The following SDK2 variants were observed in gnomAD, a reference collection of about 807,000 sequenced individuals.
SDK2 encodes the protein sidekick cell adhesion molecule 2.
A neutral mutation model predicts 253.9 loss-of-function variants in SDK2; 105 were observed. That is an observed-to-expected ratio of 0.41 (90% confidence interval 0.35 to 0.49). SDK2 has a LOEUF of 0.49. Ranked by LOEUF, SDK2 falls within the 20% of genes least tolerant of loss-of-function variation. The pLI is 0.06. For synonymous variants in SDK2, 1,249 were observed against 1,234.9 expected (o/e 1.01, Z -0.24); for missense variants, 2,608 against 3,003.0 (o/e 0.87, Z 3.07).
At chr17:73,369,269 A>G in intron 36 of SDK2, 3 of 409,576 alleles carry the variant, frequency 7.3e-6, no homozygotes, top group South Asian at 3.5e-5. Context: ...CTATCCAGAC[A>G]GAGTGTGGTG....
At position 73,393,708 on chromosome 17, in the gene SDK2, G is replaced by A; in HGVS notation, c.3750C>T (p.Phe1250=). ...KEKDSDTQPR[F]WLVEGNSSRS... ...GAGACGAGTTGCCTTCCACCAGCCA[G>A]AATCGGGGCTGGGTGTCCGAGTCCT... The change falls in exon 27 of 45, where the codon TTC becomes TTT. Residue 1250 remains phenylalanine (F), a synonymous_variant. Coordinates refer to ENST00000392650, the MANE Select transcript of SDK2 (RefSeq NM_001144952.2). 2 of 1,590,818 alleles carry A rather than the reference G, an allele frequency of 1.3e-6. No homozygotes were observed. Among genetic ancestry groups the A allele is most frequent in the Non-Finnish European group, 1.7e-6 (2 of 1,162,924 alleles).
chr17:73,500,231 C>T (rs573456264), intron 2 of SDK2, among the ~76,000 whole-genome samples: 1 of 147,936 alleles, frequency 6.8e-6, no homozygotes, highest in African/African-American at 2.5e-5. Flanking sequence ...ATCCTCCCTC[C>T]CTTCTCCACC....
At chr17:73,360,464 G>C (rs943771563) in intron 39 of SDK2, among the ~76,000 whole-genome samples, 5 of 152,194 alleles carry the variant, frequency 3.3e-5, no homozygotes, top group Non-Finnish European at 7.3e-5. Flanking sequence ...GATTTTAGGG[G>C]AAGTCCAGGA....
intron 1 of SDK2, among the ~76,000 whole-genome samples, chr17:73,563,346 G>A (rs905407573): frequency 7.2e-5 from 11 of 152,220 alleles, no homozygotes; most frequent in Admixed American, 5.9e-4. Context: ...GGCGGGGGCA[G>A]GAGAATCGCT....
chr17:73,427,068 G>C (rs1308763670), intron 12 of SDK2, among the ~76,000 whole-genome samples: 5 of 152,150 alleles, frequency 3.3e-5, no homozygotes, highest in South Asian at 4.2e-4. Context: ...CTGGGTGACA[G>C]AGCGAGACTC....
At chr17:73,532,070 C>T (rs978566363) in intron 1 of SDK2, among the ~76,000 whole-genome samples, 5 of 152,132 alleles carry the variant, frequency 3.3e-5, no homozygotes, top group Admixed American at 2.0e-4. Context: ...TGTACTCCTG[C>T]CCCCAGCTCC....
intron 1 of SDK2, among the ~76,000 whole-genome samples, chr17:73,579,634 T>A (rs553137042): frequency 4.1e-4 from 62 of 152,234 alleles, no homozygotes; most frequent in African/African-American, 1.4e-3. Flanking sequence ...TGAGGTAAAA[T>A]GAGGTCAGTA....
intron 3 of SDK2, among the ~76,000 whole-genome samples, chr17:73,456,355 C>T (rs1193738275): frequency 3.3e-5 from 5 of 152,140 alleles, no homozygotes; most frequent in African/African-American, 4.8e-5. Context: ...AAATGGGCTC[C>T]GAGAGGTTAG....
At chr17:73,454,742 G>T (rs2063511862) in intron 4 of SDK2, among the ~76,000 whole-genome samples, 1 of 151,516 alleles carries the variant, frequency 6.6e-6, no homozygotes, top group Non-Finnish European at 1.5e-5. Context: ...TTGTCTGGAG[G>T]CTGGAGGCTG....
At chr17:73,635,389 C>T (rs1334710598) in intron 1 of SDK2, among the ~76,000 whole-genome samples, 1 of 152,146 alleles carries the variant, frequency 6.6e-6, no homozygotes, top group Non-Finnish European at 1.5e-5. Flanking sequence ...AGCATCAGCT[C>T]CAGATTCATA....
intron 4 of SDK2, among the ~76,000 whole-genome samples, chr17:73,453,370 G>GTTT (rs34814268): frequency 1.7e-4 from 24 of 141,220 alleles, no homozygotes; most frequent in Non-Finnish European, 1.8e-4. Flanking sequence ...CTGAGCTGGG[G>GTTT]TTTTTTTTTT....
chr17:73,476,760 T>C (rs2063689017), intron 2 of SDK2, among the ~76,000 whole-genome samples: 1 of 152,134 alleles, frequency 6.6e-6, no homozygotes, highest in Non-Finnish European at 1.5e-5. Context: ...GAGGACTATG[T>C]CTATTTGCTT....
In SDK2 at chr17:73,423,474, C is replaced by T. The variant is rs114085552; in HGVS notation, c.1809G>A (p.Val603=). 8.2e-4 allele frequency: 1,307 copies of T among 1,592,656 alleles called. 7 individuals are homozygous for T. The African/African-American group carries it at 0.016, about 19-fold the overall frequency. The change falls in exon 14 of 45, where the codon GTG becomes GTA. Residue 603 remains valine (V), a synonymous_variant. Transcript: ENST00000392650. ...ACGTCAGGTTGATGGCTCGCCTTTC[C>T]ACGGTGCTGAGAGTGGCCACTGGGT... The part of the protein sequence containing the change: ...PEHPVATLST[V]ERRAINLTWT...
chr17:73,626,066 A>C (rs1362628176), intron 1 of SDK2, among the ~76,000 whole-genome samples: 2 of 143,664 alleles, frequency 1.4e-5, no homozygotes, highest in African/African-American at 5.0e-5. Flanking sequence ...CTGAGCACTG[A>C]GCGAGACAGA....
In SDK2 at chr17:73,366,129, A is replaced by G. The variant is rs540958929; in HGVS notation, c.5168-734T>C. ...CGGCGCTGCCTCCCCACCACGCTGGAGCTAATCCGGACCTGCTTCCGGCTC... is the reference window on the plus strand; with the variant it reads ...CGGCGCTGCCTCCCCACCACGCTGGGGCTAATCCGGACCTGCTTCCGGCTC... On this transcript the variant is annotated intron_variant, in intron 37 of 44. Coordinates refer to ENST00000392650, the MANE Select transcript of SDK2 (RefSeq NM_001144952.2). Among the ~76,000 whole-genome samples the G allele has an allele frequency of 4.6e-5, 7 of 152,246 alleles. No individual in the cohort carries two copies. In the East Asian group the frequency reaches 1.3e-3, roughly 29 times the overall value.
At chr17:73,640,511 C>A (rs925366211) in intron 1 of SDK2, among the ~76,000 whole-genome samples, 5 of 152,090 alleles carry the variant, frequency 3.3e-5, no homozygotes, top group African/African-American at 1.2e-4. Flanking sequence ...CCATTCCACT[C>A]TCGAGTGGGG....
At chr17:73,388,814 C>CT (rs758405988) in intron 29 of SDK2, among the ~76,000 whole-genome samples, 33,490 of 79,670 alleles carry the variant, frequency 0.42, 6,410 homozygotes, top group South Asian at 0.55. Context: ...TTCCTTCCCT[C>CT]CCTCTCCTTC....
intron 1 of SDK2, among the ~76,000 whole-genome samples, chr17:73,516,058 A>C (rs117713287): frequency 6.6e-6 from 1 of 152,274 alleles, no homozygotes; most frequent in East Asian, 1.9e-4. Flanking sequence ...GCTTCTCAGA[A>C]CCATTCCCCT....
rs2046434740 is a variant in SDK2, at chr17:73,644,199, C to T, written c.-111G>A. On this transcript the variant is annotated 5_prime_UTR_variant, in exon 1 of 45. Coordinates refer to ENST00000392650, the MANE Select transcript of SDK2 (RefSeq NM_001144952.2). This position sits in a 1 kb window ranked among gnomAD's most constrained non-coding sequence, Gnocchi z 6.3. ...TTAGTCCCAGGAAACAGTCAGTCTA[C>T]GCGGCTCCGTGCCCCGGGGTGTAAT... 1 of 888,430 alleles carries T rather than the reference C, an allele frequency of 1.1e-6. No individual in the cohort carries two copies. Among genetic ancestry groups the T allele is most frequent in the Non-Finnish European group, 1.8e-6 (1 of 561,502 alleles). The allele number at this position is 888,430 out of a possible 1,614,324, so 55.0% of individuals were successfully genotyped here.
Sources: gnomAD v4.1 joint callset for allele counts (sites outside exome capture counted in the v4.1 genomes callset) on GRCh38, gnomAD v4.1.1 for gene constraint, Gnocchi (gnomAD v3.1) non-coding constraint, MANE v1.5 for transcripts, NCBI Gene and HGNC (gene_info 2026-07-23, HGNC 2026-07-21) for gene names.